CUX1: variants seen among roughly 807,000 people sequenced by gnomAD.
CUX1 encodes the protein cut like homeobox 1.
In CUX1, 31 loss-of-function variants were observed where a neutral mutation model predicts 158.8. That is an observed-to-expected ratio of 0.20 (90% CI 0.15 to 0.26). The LOEUF (loss-of-function observed/expected upper bound fraction) is 0.26. Among genes scored for constraint, CUX1 ranks in the 10% least tolerant of loss-of-function variants. The pLI, the probability that CUX1 is intolerant of heterozygous loss-of-function variation, is 1.00. For missense variants in CUX1, 1,589 were observed against 2,014.6 expected (o/e 0.79, Z 4.04); for synonymous variants, 879 against 862.1 (o/e 1.02, Z -0.34).
chr7:102,061,211 C>T (rs755448524), intron 3 of CUX1, among the ~76,000 whole-genome samples: 2 of 152,122 alleles, frequency 1.3e-5, no homozygotes, highest in Non-Finnish European at 2.9e-5. Context: ...AGGCGTGAGT[C>T]ACTGTGCCCA....
intron 1 of CUX1, among the ~76,000 whole-genome samples, chr7:101,835,495 A>G (rs1794525278): frequency 6.6e-6 from 1 of 151,774 alleles, no homozygotes; most frequent in African/African-American, 2.4e-5. Context: ...GCAGTTTTCC[A>G]TTTTCTTAGG....
At chr7:102,191,481 C>T (rs1339463858) in intron 12 of CUX1, among the ~76,000 whole-genome samples, 1 of 152,136 alleles carries the variant, frequency 6.6e-6, no homozygotes, top group Non-Finnish European at 1.5e-5. Flanking sequence ...GATCCACCCA[C>T]CTCAGCCTCC....
At chr7:102,052,031 G>A (rs1823570443) in intron 3 of CUX1, among the ~76,000 whole-genome samples, 1 of 152,038 alleles carries the variant, frequency 6.6e-6, no homozygotes, top group Non-Finnish European at 1.5e-5. Context: ...GGCCAACATG[G>A]CGAAACCCCG....
intron 1 of CUX1, among the ~76,000 whole-genome samples, chr7:101,897,975 C>T (rs1407601947): frequency 6.6e-6 from 1 of 152,178 alleles, no homozygotes; most frequent in East Asian, 1.9e-4. Flanking sequence ...TACCCCCACC[C>T]AGCTTGCCTG....
Position 102,248,669 on chromosome 7 carries a change from G to A in CUX1, c.4145G>A (p.Gly1382Asp). 7.5e-7 allele frequency: 1 copy of A among 1,325,188 alleles called. No individual in the cohort carries two copies. Among genetic ancestry groups the A allele is most frequent in the Non-Finnish European group, 9.6e-7 (1 of 1,037,978 alleles). The allele number at this position is 1,325,188 out of a possible 1,614,324, so 82.1% of individuals were successfully genotyped here. ...QTEPPPSGTPGPDDARDDDHE... is the reference protein window; with the variant it reads ...QTEPPPSGTPDPDDARDDDHE... ...GAGCCGCCGCCCTCGGGGACCCCGGGCCCGGACGACGCCCGCGACGACGAC... is the reference window on the plus strand; with the variant it reads ...GAGCCGCCGCCCTCGGGGACCCCGGACCCGGACGACGCCCGCGACGACGAC... Residue 1382 changes from glycine to aspartate, a missense_variant, in exon 24 of 24, where the codon GGC (glycine) becomes GAC (aspartate). Gly to Asp is a moderately conservative substitution (Grantham distance 94, BLOSUM62 -1). This residue lies in a region of CUX1 where 344 missense variants were observed against 323.7 expected (regional missense o/e 1.06). Transcript: ENST00000292535. This position sits in a 1 kb window ranked among gnomAD's most constrained non-coding sequence, Gnocchi z 5.8.
At chr7:101,931,974 A>G (rs571710982) in intron 2 of CUX1, among the ~76,000 whole-genome samples, 11 of 152,358 alleles carry the variant, frequency 7.2e-5, no homozygotes, top group South Asian at 4.1e-4. Context: ...TTTCATTCAT[A>G]GGTGAATTTC....
At chr7:101,980,746 C>G (rs1813329372) in intron 2 of CUX1, among the ~76,000 whole-genome samples, 1 of 152,130 alleles carries the variant, frequency 6.6e-6, no homozygotes, top group South Asian at 2.1e-4. Context: ...CTCTGTGACC[C>G]CCGGCCCAAG....
chr7:101,985,879 C>A (rs932063911), intron 2 of CUX1, among the ~76,000 whole-genome samples: 23 of 152,316 alleles, frequency 1.5e-4, no homozygotes, highest in African/African-American at 5.5e-4. Context: ...CACAGGGGTT[C>A]TTTAGACAGG....
At chr7:101,929,223 T>G (rs1200133071) in intron 2 of CUX1, among the ~76,000 whole-genome samples, 1 of 152,038 alleles carries the variant, frequency 6.6e-6, no homozygotes, top group African/African-American at 2.4e-5. Flanking sequence ...CTTAAAAAAA[T>G]TATTAAAGCC....
intron 8 of CUX1, among the ~76,000 whole-genome samples, chr7:102,123,876 C>T (rs782122035): frequency 2.0e-4 from 30 of 152,066 alleles, no homozygotes; most frequent in Non-Finnish European, 3.8e-4. Flanking sequence ...GTTACCTAGG[C>T]GGGTCTTGAA....
At chr7:101,836,541 G>T (rs1365518005) in intron 1 of CUX1, among the ~76,000 whole-genome samples, 1 of 151,984 alleles carries the variant, frequency 6.6e-6, no homozygotes, top group Admixed American at 6.6e-5. Context: ...AAGCCTGAGG[G>T]TTGTCTAAAT....
chr7:102,032,086 T>A (rs1346471846), intron 3 of CUX1, among the ~76,000 whole-genome samples: 1 of 151,900 alleles, frequency 6.6e-6, no homozygotes, highest in Non-Finnish European at 1.5e-5. Context: ...CCACCATGCC[T>A]GCCTAAATTT....
chr7:102,087,044 T>C (rs996387245), intron 4 of CUX1, among the ~76,000 whole-genome samples: 3 of 152,238 alleles, frequency 2.0e-5, no homozygotes, highest in Non-Finnish European at 4.4e-5. Context: ...GTTTAAGTTA[T>C]GTAAATACCT....
intron 1 of CUX1, among the ~76,000 whole-genome samples, chr7:101,860,127 C>T (rs1473820202): frequency 6.6e-6 from 1 of 151,836 alleles, no homozygotes; most frequent in African/African-American, 2.4e-5. Flanking sequence ...TTGGAAGGCC[C>T]AGATTAGTAG....
At chr7:102,115,101 T>G (rs782680248) in intron 7 of CUX1, 106 bp from the exon 8 acceptor site, 4 of 947,882 alleles carry the variant, frequency 4.2e-6, no homozygotes, top group African/African-American at 1.7e-5. Flanking sequence ...TCCACGCACC[T>G]CGCTCCTCAC....
At chr7:101,853,196 C>A (rs1377619382) in intron 1 of CUX1, among the ~76,000 whole-genome samples, 4 of 152,094 alleles carry the variant, frequency 2.6e-5, no homozygotes, top group Non-Finnish European at 5.9e-5. Flanking sequence ...GGTGACCCAT[C>A]CTAAGTAGTG....
chr7:102,178,436 G>A (rs781853133), intron 10 of CUX1, 33 bp from the exon 11 acceptor site: 3 of 1,563,258 alleles, frequency 1.9e-6, no homozygotes, highest in Admixed American at 1.8e-5. Flanking sequence ...CTCAAGGCCA[G>A]CGCAGTTTTG....
chr7:102,274,802 T>C (rs1159140725), intron 16 of CUX1, among the ~76,000 whole-genome samples: 1 of 152,176 alleles, frequency 6.6e-6, no homozygotes, highest in Non-Finnish European at 1.5e-5. Context: ...GGCAGCCTCC[T>C]TGGGTATTGA....
At chr7:101,994,830 C>T (rs1367665853) in intron 2 of CUX1, among the ~76,000 whole-genome samples, 2 of 150,082 alleles carry the variant, frequency 1.3e-5, no homozygotes, top group East Asian at 2.0e-4. Flanking sequence ...TGGCTTATGT[C>T]GGTAATCCCA....
Sources: allele counts gnomAD v4.1 joint callset (sites outside exome capture counted in the v4.1 genomes callset), GRCh38; gene constraint gnomAD v4.1.1; regional missense constraint gnomAD v4.1.1; non-coding constraint Gnocchi (gnomAD v3.1); transcripts MANE v1.5; gene names NCBI Gene and HGNC (gene_info 2026-07-23, HGNC 2026-07-21).